The following CUX2 variants were observed in gnomAD, a reference collection of about 807,000 sequenced individuals.
CUX2 encodes homeobox protein cut-like 2.
CUX2 carries 40 observed loss-of-function variants against 144.8 expected under a neutral mutation model. The observed-to-expected ratio is 0.28, with a 90% CI of 0.21 to 0.36. CUX2 has a LOEUF of 0.36. Ranked by LOEUF, CUX2 falls within the 10% of genes least tolerant of loss-of-function variation. The pLI is 1.00. For synonymous variants in CUX2, 827 were observed against 875.6 expected, an observed-to-expected ratio of 0.94 and a Z score of 0.98; for missense variants, 1,615 against 1,994.0, an observed-to-expected ratio of 0.81 and a Z score of 3.62.
intron 1 of CUX2, among the ~76,000 whole-genome samples, chr12:111,179,973 G>A (rs1007224577): frequency 3.3e-5 from 5 of 152,108 alleles, no homozygotes; most frequent in Admixed American, 6.5e-5. Flanking sequence ...GTGAGCCACC[G>A]TGCCCAGCCC....
rs1231961292 is a variant in CUX2, at chr12:111,034,549, G to A, written c.63+309G>A. Among the ~76,000 whole-genome samples the A allele has an allele frequency of 6.6e-6, 1 of 151,534 alleles. No individual in the cohort carries two copies. The highest frequency in any genetic ancestry group is 1.5e-5 in the Non-Finnish European group (1 of 67,826). Reference sequence around the variant, plus strand: ...AGGAGCGGGGAAGGCAGGGGCTACGGCCTCGGGCAGGGGGCTGCTGGCGGG... The same window carrying A: ...AGGAGCGGGGAAGGCAGGGGCTACGACCTCGGGCAGGGGGCTGCTGGCGGG... On this transcript the variant is annotated intron_variant, in intron 1 of 21. Coordinates refer to ENST00000261726, the MANE Select transcript of CUX2 (RefSeq NM_015267.4). The surrounding 1 kb of genome is among the most constrained non-coding windows in gnomAD (Gnocchi z 4.2).
chr12:111,200,057 C>T (rs1051208084), intron 1 of CUX2, among the ~76,000 whole-genome samples: 5 of 152,068 alleles, frequency 3.3e-5, no homozygotes, highest in Admixed American at 2.0e-4. Context: ...AAAGTCTCCT[C>T]GGGTTGCGGG....
At chr12:111,137,601 C>T (rs1010615300) in intron 1 of CUX2, among the ~76,000 whole-genome samples, 1 of 152,106 alleles carries the variant, frequency 6.6e-6, no homozygotes, top group South Asian at 2.1e-4. Flanking sequence ...CAGTCTCGAC[C>T]TCCCCAGGCT....
intron 1 of CUX2, among the ~76,000 whole-genome samples, chr12:111,110,863 G>C (rs74563570): frequency 6.6e-6 from 1 of 152,326 alleles, no homozygotes; most frequent in African/African-American, 2.4e-5. Flanking sequence ...CACGTTCAAA[G>C]GACTGAGTGT....
chr12:111,248,908 G>C (rs1883413361), intron 3 of CUX2, among the ~76,000 whole-genome samples: 1 of 152,188 alleles, frequency 6.6e-6, no homozygotes, highest in Non-Finnish European at 1.5e-5. Flanking sequence ...ACTTTATGGA[G>C]GTATAATTTA....
At chr12:111,123,641 TC>T (rs773561299) in intron 1 of CUX2, among the ~76,000 whole-genome samples, 3 of 152,126 alleles carry the variant, frequency 2.0e-5, no homozygotes, top group Non-Finnish European at 2.9e-5. Context: ...GCTCAAGCGA[TC>T]CTCCTACCTC....
chr12:111,302,011 CAT>C (rs1442904508), intron 9 of CUX2, among the ~76,000 whole-genome samples: 1 of 152,204 alleles, frequency 6.6e-6, no homozygotes, highest in Non-Finnish European at 1.5e-5. Context: ...TGTACAGAAA[CAT>C]AAAAATATTT....
Position 111,126,212 on chromosome 12 carries a change from G to A in CUX2, c.64-87988G>A, listed in dbSNP as rs376296163. 6.4e-3 allele frequency among the ~76,000 whole-genome samples: 968 copies of A among 151,826 alleles called. 6 individuals carry two copies. Among genetic ancestry groups the A allele is most frequent in the South Asian group, 0.022 (106 of 4,802 alleles). On this transcript the variant is annotated intron_variant, in intron 1 of 21. Transcript: ENST00000261726. ...CAACCTCTGCCTCTCAGGTTCAAGC[G>A]ATTCTCCTGCCTCAGTCTCCCTAGT...
rs1287967926 is a variant in CUX2, at chr12:111,088,659, G to A, written c.63+54419G>A. On this transcript the variant is annotated intron_variant, in intron 1 of 21. Coordinates refer to ENST00000261726, the MANE Select transcript of CUX2 (RefSeq NM_015267.4). ...TTCAGAGAAGGAAAAGGCTCAGAGA[G>A]CTTAAGGGACTTGTCTGAAGACAGA... Among the ~76,000 whole-genome samples, 5 of 152,310 alleles carry A rather than the reference G, an allele frequency of 3.3e-5. No homozygotes were observed. The East Asian group carries it at 9.7e-4, about 29-fold the overall frequency.
chr12:111,200,825 TA>T (rs1400514097), intron 1 of CUX2, among the ~76,000 whole-genome samples: 4 of 152,208 alleles, frequency 2.6e-5, no homozygotes, highest in Non-Finnish European at 5.9e-5. Flanking sequence ...ATTTTCTCTT[TA>T]TGAATGCTTC....
intron 1 of CUX2, among the ~76,000 whole-genome samples, chr12:111,127,382 A>G (rs1875158854): frequency 6.6e-6 from 1 of 152,224 alleles, no homozygotes. Flanking sequence ...GTCACAGGGC[A>G]TGGTAAAACT....
At chr12:111,099,589 G>C in intron 1 of CUX2, 1 of 456,738 alleles carries the variant, frequency 2.2e-6, no homozygotes, top group Non-Finnish European at 4.4e-6. Flanking sequence ...CTCATGTGTA[G>C]CCCTCACATG....
chr12:111,047,042 C>A (rs1458052348), intron 1 of CUX2, among the ~76,000 whole-genome samples: 2 of 152,254 alleles, frequency 1.3e-5, no homozygotes, highest in Non-Finnish European at 1.5e-5. Context: ...GCCTGAGAAG[C>A]ATGGGTCAGG....
rs759104412 is a variant in CUX2 at position 111,320,182 on chromosome 12, C to A, written c.2173C>A (p.Pro725Thr). ...GGCGCCCAGGGGCCGCTCGGTGCCC[C>A]CCTCGCCCCCGGAGCGGCCATCACT... ...EVAPRGRSVP[P>T]SPPERPSLAT... The change falls in exon 17 of 22, where the codon CCC becomes ACC. Residue 725 changes from proline to threonine, a missense_variant. This residue lies in a region of CUX2 where 390 missense variants were observed against 387.1 expected (regional missense o/e 1.01). Transcript: ENST00000261726. The surrounding 1 kb of genome is among the most constrained non-coding windows in gnomAD (Gnocchi z 8.1). The A allele has an allele frequency of 2.0e-6, 3 of 1,531,884 alleles. No homozygotes were observed. Among genetic ancestry groups the A allele is most frequent in the Non-Finnish European group, 8.7e-7 (1 of 1,144,638 alleles). The allele number at this position is 1,531,884 out of a possible 1,614,324, so 94.9% of individuals were successfully genotyped here.
intron 16 of CUX2, among the ~76,000 whole-genome samples, chr12:111,316,059 T>C (rs112661355): frequency 2.0e-5 from 3 of 152,180 alleles, no homozygotes; most frequent in Admixed American, 6.6e-5. Context: ...TGTGCTTTTT[T>C]TTGCATGCTC....
intron 1 of CUX2, among the ~76,000 whole-genome samples, chr12:111,195,386 A>G (rs989777597): frequency 9.8e-5 from 15 of 152,356 alleles, no homozygotes; most frequent in African/African-American, 3.4e-4. Flanking sequence ...GGAGAAAAAA[A>G]AAAGAAACAC....
At chr12:111,120,821 C>T (rs1196148483) in intron 1 of CUX2, among the ~76,000 whole-genome samples, 1 of 152,054 alleles carries the variant, frequency 6.6e-6, no homozygotes, top group Non-Finnish European at 1.5e-5. Flanking sequence ...TTTGTGCTTC[C>T]TCGGAGAGGA....
chr12:111,084,764 G>A (rs942472746), intron 1 of CUX2, among the ~76,000 whole-genome samples: 3 of 152,172 alleles, frequency 2.0e-5, no homozygotes, highest in Admixed American at 6.5e-5. Context: ...TTGCGGCAGC[G>A]ACGGCGCTGT....
At chr12:111,083,685 C>A (rs1872032863) in intron 1 of CUX2, among the ~76,000 whole-genome samples, 1 of 151,558 alleles carries the variant, frequency 6.6e-6, no homozygotes. Flanking sequence ...GAGAATACAG[C>A]CCAGTGGAGG....
Sources: allele counts gnomAD v4.1 joint callset (sites outside exome capture counted in the v4.1 genomes callset), GRCh38; gene constraint gnomAD v4.1.1; regional missense constraint gnomAD v4.1.1; non-coding constraint Gnocchi (gnomAD v3.1); transcripts MANE v1.5; gene names NCBI Gene and HGNC (gene_info 2026-07-23, HGNC 2026-07-21).